SAMD3: variants seen among roughly 807,000 people sequenced by gnomAD.
SAMD3 encodes the protein sterile alpha motif domain-containing protein 3.
SAMD3 carries 63 observed loss-of-function variants against 58.5 expected under a neutral mutation model. The ratio of observed to expected loss-of-function variants is 1.08; its 90% CI spans 0.88 to 1.33. The LOEUF (loss-of-function observed/expected upper bound fraction) is 1.33, where lower values mean the gene tolerates loss of function less well. Among genes scored for constraint, SAMD3 ranks in the 40% most tolerant of loss-of-function variants. SAMD3 has a pLI of 0.00. For synonymous variants in SAMD3, 220 were observed against 210.3 expected, an observed-to-expected ratio of 1.05 and a Z score of -0.40; for missense variants, 604 against 608.4, an observed-to-expected ratio of 0.99 and a Z score of 0.08.
intron 1 of SAMD3, among the ~76,000 whole-genome samples, chr6:130,322,938 GT>G (rs1776634256): frequency 6.6e-6 from 1 of 151,894 alleles, no homozygotes; most frequent in Non-Finnish European, 1.5e-5. Flanking sequence ...CCACTAGTTT[GT>G]TTTTTTCCTA....
intron 2 of SAMD3, among the ~76,000 whole-genome samples, chr6:130,243,120 C>G (rs1582997024): frequency 6.6e-6 from 1 of 152,168 alleles, no homozygotes; most frequent in Admixed American, 6.5e-5. Context: ...CACAGCCCAC[C>G]CACATGTGAA....
upstream of SAMD3, chr6:130,365,443 A>G: frequency 1.0e-6 from 1 of 985,460 alleles, no homozygotes; most frequent in Non-Finnish European, 1.2e-6. Context: ...GGTTTGGTTT[A>G]GCTCGCGCAG....
chr6:130,226,127 G>C (rs934753319), upstream of SAMD3, among the ~76,000 whole-genome samples: 2 of 152,198 alleles, frequency 1.3e-5, no homozygotes, highest in African/African-American at 4.8e-5. Context: ...CTACCTTTCT[G>C]GAGAGCCTGA....
At chr6:130,171,181 C>T (rs1248709579) in intron 8 of SAMD3, among the ~76,000 whole-genome samples, 2 of 152,188 alleles carry the variant, frequency 1.3e-5, no homozygotes, top group African/African-American at 4.8e-5. Flanking sequence ...GCCTTTTCTG[C>T]ATCTATTGAG....
intron 1 of SAMD3, among the ~76,000 whole-genome samples, chr6:130,341,163 G>GAGGA (rs1347130372): frequency 1.3e-5 from 2 of 151,634 alleles, no homozygotes; most frequent in Non-Finnish European, 2.9e-5. Flanking sequence ...GGAAGAGAGG[G>GAGGA]AGGGAGGAAG....
chr6:130,353,787 T>G (rs1777748355), intron 1 of SAMD3, among the ~76,000 whole-genome samples: 1 of 152,100 alleles, frequency 6.6e-6, no homozygotes, highest in African/African-American at 2.4e-5. Flanking sequence ...GGGATACACA[T>G]CTGTGTCTGC....
chr6:130,256,526 C>T (rs1773932179), intron 2 of SAMD3, among the ~76,000 whole-genome samples: 1 of 152,168 alleles, frequency 6.6e-6, no homozygotes, highest in Non-Finnish European at 1.5e-5. Flanking sequence ...TTCTTGGAAG[C>T]AATTTTTTTT....
chr6:130,298,042 A>G (rs1382094811), intron 2 of SAMD3, among the ~76,000 whole-genome samples: 2 of 152,234 alleles, frequency 1.3e-5, no homozygotes, highest in African/African-American at 4.8e-5. Flanking sequence ...AACACCTGCA[A>G]GACACTTCAC....
intron 5 of SAMD3, among the ~76,000 whole-genome samples, chr6:130,207,856 A>G (rs1795214701): frequency 6.6e-6 from 1 of 152,164 alleles, no homozygotes; most frequent in African/African-American, 2.4e-5. Flanking sequence ...GAAGAGAGGG[A>G]AAAAGAGCGG....
intron 2 of SAMD3, among the ~76,000 whole-genome samples, chr6:130,296,869 G>A (rs1775587554): frequency 6.6e-6 from 1 of 152,172 alleles, no homozygotes; most frequent in Admixed American, 6.5e-5. Context: ...CCCTATGACA[G>A]GGGTGTGATA....
intron 1 of SAMD3, among the ~76,000 whole-genome samples, chr6:130,219,064 GTA>G (rs1180285056): frequency 6.6e-6 from 1 of 152,192 alleles, no homozygotes; most frequent in African/African-American, 2.4e-5. Flanking sequence ...AGCAAATTGT[GTA>G]TGAGATGGAA....
chr6:130,248,179 CGT>C (rs71810571), intron 2 of SAMD3, among the ~76,000 whole-genome samples: 24,723 of 145,876 alleles, frequency 0.17, 3,134 homozygotes, highest in African/African-American at 0.36. Flanking sequence ...AAGTGTTTTG[CGT>C]GTGTGTGTGT....
rs755132118 is a variant in SAMD3 at position 130,144,550 on chromosome 6, G to A, written c.1533C>T (p.Asn511=). 40 of 1,613,802 alleles carry A rather than the reference G, an allele frequency of 2.5e-5. No homozygotes were observed. Among genetic ancestry groups the A allele is most frequent in the South Asian group, 1.6e-4 (15 of 91,064 alleles). ...PYFPSLKEKE[N]EVGFQHPLT ...TGAGTGGGTGCTGAAATCCTACTTC[G>A]TTTTCCTTTTCTTTCAAAGAAGGAA... Residue 511 remains asparagine (N), a synonymous_variant, in exon 12 of 12, where the codon AAC becomes AAT. Coordinates refer to ENST00000439090, the MANE Select transcript of SAMD3 (RefSeq NM_001017373.4).
intron 2 of SAMD3, among the ~76,000 whole-genome samples, chr6:130,282,953 GA>G (rs1401765154): frequency 6.6e-6 from 1 of 152,118 alleles, no homozygotes; most frequent in Non-Finnish European, 1.5e-5. Context: ...CAGCAATGGG[GA>G]TAATCGGAAC....
chr6:130,311,320 C>T lies in SAMD3; in HGVS notation c.-188+1658G>A, dbSNP rs756580484. On this transcript the variant is annotated intron_variant, in intron 2 of 13. Coordinates refer to the SAMD3 transcript ENST00000368134. The stretch of plus-strand genomic sequence containing the variant: ...TATGAAAGAGGCATTTTATGAGAGA[C>T]GAGGACATAGGGGCTTGGAGAAGTT... Among the ~76,000 whole-genome samples the T allele has an allele frequency of 2.6e-5, 4 of 152,122 alleles. No individual in the cohort carries two copies. In the East Asian group the frequency reaches 5.8e-4, roughly 22 times the overall value.
At chr6:130,279,026 C>A (rs892252764) in intron 2 of SAMD3, among the ~76,000 whole-genome samples, 3 of 152,192 alleles carry the variant, frequency 2.0e-5, no homozygotes, top group Non-Finnish European at 4.4e-5. Flanking sequence ...ATTTAATTCT[C>A]AGCTCCACTA....
rs1020525094 is a variant in SAMD3 at position 130,201,440 on chromosome 6, C to T, written c.383+8055G>A. Among the ~76,000 whole-genome samples, 3 of 152,170 alleles carry T rather than the reference C, an allele frequency of 2.0e-5. No homozygotes were observed. In the East Asian group the frequency reaches 5.8e-4, roughly 29 times the overall value. ...GCACTGGAATTAAGAATTGCAGAATCCCAGGCCCCACCCTAACCTACTAAA... is the reference window on the plus strand; with the variant it reads ...GCACTGGAATTAAGAATTGCAGAATTCCAGGCCCCACCCTAACCTACTAAA... On this transcript the variant is annotated intron_variant, in intron 5 of 11. Coordinates refer to ENST00000439090, the MANE Select transcript of SAMD3 (RefSeq NM_001017373.4).
At chr6:130,267,053 A>C (rs1213904367) in intron 2 of SAMD3, among the ~76,000 whole-genome samples, 3 of 152,228 alleles carry the variant, frequency 2.0e-5, no homozygotes, top group African/African-American at 7.2e-5. Context: ...TATCTATCAA[A>C]ATAGACTAGC....
At chr6:130,176,473 A>C (rs1329142992) in intron 7 of SAMD3, among the ~76,000 whole-genome samples, 1 of 152,176 alleles carries the variant, frequency 6.6e-6, no homozygotes, top group African/African-American at 2.4e-5. Flanking sequence ...TACTATTGGC[A>C]TTCACTCCCT....
Sources: allele counts gnomAD v4.1 joint callset (sites outside exome capture counted in the v4.1 genomes callset), GRCh38; gene constraint gnomAD v4.1.1; transcripts MANE v1.5; gene names NCBI Gene and HGNC (gene_info 2026-07-23, HGNC 2026-07-21).